Variants in FARS2 observed in about 807,000 individuals in gnomAD.
The protein encoded by FARS2 is phenylalanyl-tRNA synthetase 2, mitochondrial.
A neutral mutation model predicts 46.4 loss-of-function variants in FARS2; 40 were observed. The ratio of observed to expected loss-of-function variants is 0.86; its 90% confidence interval spans 0.67 to 1.12. The LOEUF (loss-of-function observed/expected upper bound fraction) is 1.12. FARS2 is among the 50% of genes most tolerant of loss of function. The probability of loss-of-function intolerance (pLI) is 0.00; values close to 1 mark genes in which losing one functional copy is unlikely to be tolerated. For missense variants in FARS2, 513 were observed against 567.9 expected, an observed-to-expected ratio of 0.90 and a Z score of 0.98; for synonymous variants, 234 against 214.9, an observed-to-expected ratio of 1.09 and a Z score of -0.78.
chr6:5,722,629 A>T (rs72819999), intron 6 of FARS2, among the ~76,000 whole-genome samples: 12,467 of 152,160 alleles, frequency 0.082, 641 homozygotes, highest in Non-Finnish European at 0.13. Context: ...AGGAGGGGGA[A>T]GCGCAGGGAG....
intron 6 of FARS2, among the ~76,000 whole-genome samples, chr6:5,626,816 A>G (rs1191680150): frequency 6.6e-6 from 1 of 152,242 alleles, no homozygotes; most frequent in Non-Finnish European, 1.5e-5. Flanking sequence ...GAAATTCGTC[A>G]TTAGATTTTG....
chr6:5,690,475 A>G (rs886627870), intron 6 of FARS2, among the ~76,000 whole-genome samples: 2 of 151,300 alleles, frequency 1.3e-5, no homozygotes, highest in African/African-American at 4.9e-5. Context: ...TTGGCTGGAT[A>G]TGAAATTCTG....
rs188455600 is a variant in FARS2 at position 5,692,164 on chromosome 6, G to A, written c.1217+78844G>A. 1.3e-4 allele frequency among the ~76,000 whole-genome samples: 20 copies of A among 152,290 alleles called. No individual in the cohort carries two copies. The East Asian group carries it at 2.9e-3, about 22-fold the overall frequency. The stretch of plus-strand genomic sequence containing the variant: ...GTGAGGCGATACCTTCCGCTGCTTC[G>A]GCTCATGCTCGGTGCGCTGCACCCA... On this transcript the variant is annotated intron_variant, in intron 6 of 6. Coordinates refer to ENST00000274680, the MANE Select transcript of FARS2 (RefSeq NM_006567.5).
At chr6:5,738,643 T>A (rs1344755792) in intron 6 of FARS2, among the ~76,000 whole-genome samples, 1 of 152,186 alleles carries the variant, frequency 6.6e-6, no homozygotes, top group East Asian at 1.9e-4. Flanking sequence ...TAATCATTAT[T>A]TCTGTAAAAT....
intron 5 of FARS2, among the ~76,000 whole-genome samples, chr6:5,561,039 A>C (rs1402269443): frequency 6.6e-6 from 1 of 152,122 alleles, no homozygotes; most frequent in African/African-American, 2.4e-5. Flanking sequence ...GCTGAGGCAC[A>C]AAAGTTGCTT....
At chr6:5,609,520 C>T (rs1174504615) in intron 5 of FARS2, 8 of 1,238,866 alleles carry the variant, frequency 6.5e-6, no homozygotes, top group Non-Finnish European at 9.4e-6. Flanking sequence ...CCACCATGAC[C>T]ACTGAAGTTT....
intron 4 of FARS2, among the ~76,000 whole-genome samples, chr6:5,438,832 C>T (rs1763681334): frequency 6.6e-6 from 1 of 152,126 alleles, no homozygotes; most frequent in Non-Finnish European, 1.5e-5. Flanking sequence ...TATTTTGGAG[C>T]ATTTTGGATT....
intron 5 of FARS2, among the ~76,000 whole-genome samples, chr6:5,590,732 T>C (rs2150602469): frequency 6.6e-6 from 1 of 152,302 alleles, no homozygotes; most frequent in South Asian, 2.1e-4. Flanking sequence ...GCACTTTAAT[T>C]TTTTGAGGGA....
chr6:5,749,372 G>A (rs79453693), intron 6 of FARS2, among the ~76,000 whole-genome samples: 2,850 of 152,360 alleles, frequency 0.019, 35 homozygotes, highest in Non-Finnish European at 0.025. Flanking sequence ...CTGTGGTGGG[G>A]ATTGGAAGAA....
chr6:5,540,855 GT>G (rs1298569574), intron 4 of FARS2, among the ~76,000 whole-genome samples: 1 of 152,162 alleles, frequency 6.6e-6, no homozygotes, highest in African/African-American at 2.4e-5. Context: ...ACCATGACAG[GT>G]TACTTTAGGA....
At chr6:5,584,660 G>A (rs1210235246) in intron 5 of FARS2, among the ~76,000 whole-genome samples, 3 of 152,062 alleles carry the variant, frequency 2.0e-5, no homozygotes, top group Admixed American at 1.3e-4. Context: ...TTCCTTGATG[G>A]CTGTTTTATC....
chr6:5,345,876 G>T (rs761277247), intron 1 of FARS2, among the ~76,000 whole-genome samples: 1 of 152,178 alleles, frequency 6.6e-6, no homozygotes, highest in Admixed American at 6.5e-5. Context: ...GAAGAGAATG[G>T]ACTTTTTGTT....
rs780215608 is a variant in FARS2, at chr6:5,343,956, C to T, written c.-21-24594C>T. On this transcript the variant is annotated intron_variant, in intron 1 of 6. Coordinates refer to ENST00000274680, the MANE Select transcript of FARS2 (RefSeq NM_006567.5). This position sits in a 1 kb window ranked among gnomAD's most constrained non-coding sequence, Gnocchi z 4.5. ...TGGCAATGGCTAAGAATGGGCACTGCCTGCTTCTGAGGTGTCCTCTGTCTT... is the reference window on the plus strand; with the variant it reads ...TGGCAATGGCTAAGAATGGGCACTGTCTGCTTCTGAGGTGTCCTCTGTCTT... 2.6e-5 allele frequency among the ~76,000 whole-genome samples: 4 copies of T among 152,234 alleles called. No homozygotes were observed. Among genetic ancestry groups the T allele is most frequent in the Non-Finnish European group, 4.4e-5 (3 of 68,038 alleles).
At chr6:5,341,236 T>TA (rs1455603737) in intron 1 of FARS2, among the ~76,000 whole-genome samples, 118 of 5,142 alleles carry the variant, frequency 0.023, 12 homozygotes, top group African/African-American at 0.079. Flanking sequence ...TATATATATA[T>TA]TTTTTTTTTT....
At chr6:5,402,276 T>C (rs1761303703) in intron 2 of FARS2, among the ~76,000 whole-genome samples, 1 of 151,920 alleles carries the variant, frequency 6.6e-6, no homozygotes, top group African/African-American at 2.4e-5. Flanking sequence ...TCTATTTTTG[T>C]TCTTAATTTT....
intron 1 of FARS2, among the ~76,000 whole-genome samples, chr6:5,322,197 T>C (rs1029548020): frequency 4.6e-5 from 7 of 152,188 alleles, no homozygotes; most frequent in Admixed American, 4.6e-4. Flanking sequence ...AAATGTCCAA[T>C]AGGGAAATGA....
In FARS2 at chr6:5,311,923, T is replaced by C. The variant is rs1286145369; in HGVS notation, c.-22+50263T>C. On this transcript the variant is annotated intron_variant, in intron 1 of 6. Transcript: ENST00000274680. The surrounding 1 kb of genome is among the most constrained non-coding windows in gnomAD (Gnocchi z 4.1). ...TGGCCTCAAGTGAATTTGCCCATTGTAGGTTTGTCTGGGGGAGTGTAAGTT... is the reference window on the plus strand; with the variant it reads ...TGGCCTCAAGTGAATTTGCCCATTGCAGGTTTGTCTGGGGGAGTGTAAGTT... 6.6e-6 allele frequency among the ~76,000 whole-genome samples: 1 copy of C among 152,204 alleles called. No homozygotes were observed. Among genetic ancestry groups the C allele is most frequent in the Non-Finnish European group, 1.5e-5 (1 of 68,032 alleles).
chr6:5,674,825 G>A (rs568459915), intron 6 of FARS2, among the ~76,000 whole-genome samples: 1 of 152,196 alleles, frequency 6.6e-6, no homozygotes, highest in South Asian at 2.1e-4. Flanking sequence ...TTGGAACTGT[G>A]GCATTTTGTA....
rs1001710450 is a variant in FARS2, at chr6:5,525,095, G to C, written c.905-20085G>C. 1.3e-5 allele frequency among the ~76,000 whole-genome samples: 2 copies of C among 151,934 alleles called. 1 individual carries two copies. Among genetic ancestry groups the C allele is most frequent in the Non-Finnish European group, 2.9e-5 (2 of 67,930 alleles). On this transcript the variant is annotated intron_variant, in intron 4 of 6. Coordinates refer to ENST00000274680, the MANE Select transcript of FARS2 (RefSeq NM_006567.5). ...GTGTTCCTTCTTTCCTCGGGCACTC[G>C]CTTTCCTCTGAAATTCCTGGAAAAG...
Sources: gnomAD v4.1 joint callset for allele counts (sites outside exome capture counted in the v4.1 genomes callset) on GRCh38, gnomAD v4.1.1 for gene constraint, Gnocchi (gnomAD v3.1) non-coding constraint, MANE v1.5 for transcripts, NCBI Gene and HGNC (gene_info 2026-07-23, HGNC 2026-07-21) for gene names.